Variants in GNB5 observed in about 807,000 individuals in gnomAD.
GNB5 encodes the protein guanine nucleotide-binding protein subunit beta-5.
Under a neutral mutation model 55.3 loss-of-function variants are expected in GNB5, and 37 were observed. The ratio of observed to expected loss-of-function variants is 0.67; its 90% CI spans 0.51 to 0.88. The LOEUF (loss-of-function observed/expected upper bound fraction) is 0.88, where lower values mean the gene tolerates loss of function less well. Among genes scored for constraint, GNB5 ranks in the 40% least tolerant of loss-of-function variants. GNB5 has a pLI of 0.00. For synonymous variants in GNB5, 219 were observed against 198.5 expected, an observed-to-expected ratio of 1.10 and a Z score of -0.87; for missense variants, 476 against 515.3, an observed-to-expected ratio of 0.92 and a Z score of 0.74.
intron 10 of GNB5, among the ~76,000 whole-genome samples, chr15:52,127,320 T>C (rs1342502004): frequency 6.6e-6 from 1 of 152,240 alleles, no homozygotes; most frequent in Admixed American, 6.5e-5. Context: ...AGGTGTTTAC[T>C]TGCCATTGTG....
At chr15:52,127,458 T>C (rs1433425145) in intron 10 of GNB5, among the ~76,000 whole-genome samples, 1 of 152,180 alleles carries the variant, frequency 6.6e-6, no homozygotes, top group Non-Finnish European at 1.5e-5. Context: ...GTGGCAAGAA[T>C]TTTTCCATAT....
chr15:52,153,087 T>C (rs868343319), intron 4 of GNB5, among the ~76,000 whole-genome samples: 49 of 152,212 alleles, frequency 3.2e-4, no homozygotes, highest in African/African-American at 1.1e-3. Context: ...CTTTCCTCTG[T>C]GTATCAGGGT....
At chr15:52,147,260 C>A in intron 6 of GNB5, 199 bp downstream of exon 6, 1 of 474,328 alleles carries the variant, frequency 2.1e-6, no homozygotes, top group South Asian at 2.2e-5. Context: ...ACCTCAGCCT[C>A]CCAGGTGGCT....
At chr15:52,160,076 T>C (rs1481003229) in intron 3 of GNB5, among the ~76,000 whole-genome samples, 2 of 151,938 alleles carry the variant, frequency 1.3e-5, no homozygotes, top group African/African-American at 4.8e-5. Flanking sequence ...GCCTCCTGAG[T>C]AGCTGGAATT....
At chr15:52,137,027 G>A (rs576407240) in intron 7 of GNB5, 43 of 454,158 alleles carry the variant, frequency 9.5e-5, no homozygotes, top group Middle Eastern at 6.9e-4. Flanking sequence ...TTCGCTTGCT[G>A]GGCTCACCAA....
At chr15:52,125,502 GA>G (rs1158021931) in intron 11 of GNB5, 2 of 153,230 alleles carry the variant, frequency 1.3e-5, no homozygotes, top group African/African-American at 4.8e-5. Flanking sequence ...GGCTGGTTTT[GA>G]ACTCCTGACC....
At chr15:52,179,289 T>C (rs919088307) in intron 3 of GNB5, among the ~76,000 whole-genome samples, 1 of 151,966 alleles carries the variant, frequency 6.6e-6, no homozygotes, top group Non-Finnish European at 1.5e-5. Flanking sequence ...AGCTTTGAAA[T>C]TGCAGTCTCA....
At chr15:52,142,561 GT>G (rs35448038) in intron 6 of GNB5, among the ~76,000 whole-genome samples, 22,212 of 147,022 alleles carry the variant, frequency 0.15, 1,971 homozygotes, top group Admixed American at 0.28. Context: ...AGCCAGCTGT[GT>G]TTTTTTTTTT....
At chr15:52,171,413 T>C (rs1055848541) in intron 3 of GNB5, among the ~76,000 whole-genome samples, 1 of 152,174 alleles carries the variant, frequency 6.6e-6, no homozygotes, top group Non-Finnish European at 1.5e-5. Context: ...CCTCTAGGTA[T>C]TGAGATTATG....
At chr15:52,137,372 G>C (rs756485984) in intron 7 of GNB5, 14 of 1,037,104 alleles carry the variant, frequency 1.3e-5, no homozygotes, top group Non-Finnish European at 1.6e-5. Context: ...GAGCTGGCCA[G>C]GTGAAAGAAG....
intron 3 of GNB5, among the ~76,000 whole-genome samples, chr15:52,164,207 C>T (rs895969197): frequency 2.7e-5 from 4 of 149,572 alleles, no homozygotes; most frequent in Non-Finnish European, 4.4e-5. Flanking sequence ...ACTCGGGGGG[C>T]TGAGGCAGGA....
intron 7 of GNB5, chr15:52,136,833 T>A: frequency 2.8e-6 from 1 of 357,448 alleles, no homozygotes; most frequent in Non-Finnish European, 5.5e-6. Flanking sequence ...TAATTCCCCA[T>A]CCCTGTGTTA....
chr15:52,174,308 T>C (rs2034607341), intron 3 of GNB5, among the ~76,000 whole-genome samples: 1 of 152,242 alleles, frequency 6.6e-6, no homozygotes, highest in African/African-American at 2.4e-5. Context: ...TGTGGAAATT[T>C]GTACAGTAGC....
intron 3 of GNB5, among the ~76,000 whole-genome samples, chr15:52,164,655 TAGAA>T (rs1232297370): frequency 4.0e-5 from 6 of 151,360 alleles, no homozygotes; most frequent in Non-Finnish European, 7.4e-5. Context: ...AAAAATAAAA[TAGAA>T]AGAAAGCAAC....
At chr15:52,173,407 C>T (rs2034590155) in intron 3 of GNB5, among the ~76,000 whole-genome samples, 1 of 152,156 alleles carries the variant, frequency 6.6e-6, no homozygotes, top group Admixed American at 6.5e-5. Context: ...GGGAAGGTGC[C>T]TCTGAGGAGG....
At chr15:52,184,411 GTAC>G (rs2034815776) in intron 2 of GNB5, 137 bp downstream of exon 2, 7 of 682,130 alleles carry the variant, frequency 1.0e-5, no homozygotes, top group Non-Finnish European at 1.5e-5. Flanking sequence ...CTGAACCTCT[GTAC>G]TATACTGCCT....
chr15:52,180,048 C>A (rs957434748), intron 2 of GNB5, 169 bp from the exon 3 acceptor site: 2 of 858,332 alleles, frequency 2.3e-6, no homozygotes, highest in Admixed American at 4.7e-5. Flanking sequence ...GCCCCAAGAC[C>A]CCGCACCTGG....
chr15:52,159,159 A>T (rs998742745), intron 3 of GNB5, among the ~76,000 whole-genome samples: 2 of 152,168 alleles, frequency 1.3e-5, no homozygotes, highest in Non-Finnish European at 2.9e-5. Context: ...TTGCAGAGTA[A>T]GGGGTAGGTG....
intron 9 of GNB5, among the ~76,000 whole-genome samples, chr15:52,132,636 A>ATTTATTTTTTT: frequency 7.4e-6 from 1 of 134,810 alleles, no homozygotes; most frequent in Non-Finnish European, 1.6e-5. Flanking sequence ...TGCCCTGCTA[A>ATTTATTTTTTT]TTTTTTTTTT....
Sources: gnomAD v4.1 joint callset for allele counts (sites outside exome capture counted in the v4.1 genomes callset) on GRCh38, gnomAD v4.1.1 for gene constraint, MANE v1.5 for transcripts, NCBI Gene and HGNC (gene_info 2026-07-23, HGNC 2026-07-21) for gene names.